Variants in NACA observed in about 807,000 individuals in gnomAD.
NACA encodes the protein nascent polypeptide-associated complex subunit alpha.
In NACA, 42 loss-of-function variants were observed where a neutral mutation model predicts 86.4. The ratio of observed to expected loss-of-function variants is 0.49; its 90% confidence interval spans 0.38 to 0.63. The LOEUF is 0.63. Ranked by LOEUF, NACA falls within the 20% of genes least tolerant of loss-of-function variation. NACA has a pLI of 0.00. For missense variants in NACA, 2,157 were observed against 2,483.6 expected, an observed-to-expected ratio of 0.87 and a Z score of 2.80; for synonymous variants, 898 against 973.7, an observed-to-expected ratio of 0.92 and a Z score of 1.45.
chr12:56,720,619 G>C lies in NACA; in HGVS notation c.911C>G (p.Ser304Cys). Residue 304 changes from serine to cysteine, a missense_variant, in exon 3 of 9, where the codon TCT (serine) becomes TGT (cysteine). Physicochemically the swap from Ser to Cys is moderately radical, Grantham distance 112 (BLOSUM62 -1). Coordinates refer to ENST00000454682, the MANE Select transcript of NACA (RefSeq NM_001365896.1). ...TAAAGGTGCAAGATGAGAGCCCAGA[G>C]AAATGGGAAAATCTGGGGGGGTGTT... ...GPNTPPDFPI[S>C]LGSHLAPLHQ... 1.2e-6 allele frequency: 2 copies of C among 1,613,982 alleles called. No homozygotes were observed. The highest frequency in any genetic ancestry group is 1.1e-5 in the South Asian group (1 of 91,090).
Position 56,717,042 on chromosome 12 carries a change from A to T in NACA, c.4488T>A (p.Thr1496=). ...TSSSPKKAPA[T]PAPMGAPTLP... The stretch of plus-strand genomic sequence containing the variant: ...GAGTGGGGGCCCCCATGGGGGCTGG[A>T]GTTGCTGGGGCCTTTTTGGGAGAGG... The change falls in exon 3 of 9, where the codon ACT becomes ACA. Residue 1496 remains threonine, a synonymous_variant. Transcript: ENST00000454682. The T allele has an allele frequency of 8.8e-7, 1 of 1,135,926 alleles. No homozygotes were observed. The highest frequency in any genetic ancestry group is 1.1e-6 in the Non-Finnish European group (1 of 918,280). The allele number at this position is 1,135,926 out of a possible 1,614,324, so 70.4% of individuals were successfully genotyped here.
Position 56,713,949 on chromosome 12 carries a change from G to A in NACA, c.5824-266C>T, listed in dbSNP as rs527671988. ...GTCCGTCTCCCAGGTTCAAGCAATT[G>A]CCGTGCCTCAGCCACCTTAGTAGCT... On this transcript the variant is annotated intron_variant, in intron 5 of 8. Transcript: ENST00000454682. 2.7e-4 allele frequency: 114 copies of A among 427,878 alleles called. 1 individual carries two copies. In the Middle Eastern group the frequency reaches 4.0e-3, roughly 15 times the overall value. The allele number at this position is 427,878 out of a possible 1,614,324, so 26.5% of individuals were successfully genotyped here.
At chr12:56,724,357 T>C in intron 2 of NACA, 95 bp downstream of exon 2, 1 of 1,249,248 alleles carries the variant, frequency 8.0e-7, no homozygotes. Flanking sequence ...TGCAACCCCA[T>C]CCTCCTAAAA....
chr12:56,714,652 G>A lies in NACA; in HGVS notation c.5695C>T (p.Pro1899Ser). 2 of 1,614,126 alleles carry A rather than the reference G, an allele frequency of 1.2e-6. No individual in the cohort carries two copies. Among genetic ancestry groups the A allele is most frequent in the Non-Finnish European group, 1.7e-6 (2 of 1,180,030 alleles). The change falls in exon 4 of 9, where the codon CCA (proline) becomes TCA (serine). Residue 1899 changes from proline (P) to serine (S), a missense_variant. Around this residue, in one of 8 missense-constraint regions of NACA, gnomAD observed 797 missense variants for 777.6 expected, o/e 1.02. Transcript: ENST00000454682. The part of the protein sequence containing the change: ...GTESDSDESV[P>S]ELEEQDSTQA... ...GTGGAATCCTGTTCTTCAAGCTCTG[G>A]TACTGATTCATCACTGTCAGATTCT...
chr12:56,715,774 A>G, intron 3 of NACA, 97 bp downstream of exon 3: 1 of 1,096,046 alleles, frequency 9.1e-7, no homozygotes, highest in Non-Finnish European at 1.3e-6. Context: ...GATTCACTGG[A>G]GAAAGCGGCG....
chr12:56,721,176 T>A lies in NACA; in HGVS notation c.354A>T (p.Leu118=). Residue 118 remains leucine, a synonymous_variant, in exon 3 of 9, where the codon CTA becomes CTT. Transcript: ENST00000454682. Reference sequence around the variant, plus strand: ...GAGTTGGAGCTATCATGGGAGAGGCTAGAGCTAAGGCAGCTGGGGAGATGG... The same window carrying A: ...GAGTTGGAGCTATCATGGGAGAGGCAAGAGCTAAGGCAGCTGGGGAGATGG... The part of the protein sequence containing the change: ...GPPISPAALA[L]ASPMIAPTLK... 1 of 1,613,874 alleles carries A rather than the reference T, an allele frequency of 6.2e-7. No homozygotes were observed. The highest frequency in any genetic ancestry group is 8.5e-7 in the Non-Finnish European group (1 of 1,179,844).
chr12:56,714,280 T>A (rs1192785393), intron 5 of NACA, 82 bp downstream of exon 5: 20 of 1,448,030 alleles, frequency 1.4e-5, no homozygotes, highest in Non-Finnish European at 1.9e-5. Flanking sequence ...TACCACCTGT[T>A]CCCCAAAAAC....
At chr12:56,724,666 C>G in intron 1 of NACA, 143 bp from the exon 2 acceptor site, 1 of 784,058 alleles carries the variant, frequency 1.3e-6, no homozygotes, top group Non-Finnish European at 2.1e-6. Context: ...TTCCCCAAAG[C>G]ACCTGGGAAT....
In NACA at chr12:56,715,960, G is replaced by A. The variant is rs764790765; in HGVS notation, c.5570C>T (p.Ser1857Leu). The change falls in exon 3 of 9, where the codon TCG becomes TTG. Residue 1857 changes from serine to leucine, a missense_variant. Around this residue, in one of 8 missense-constraint regions of NACA, gnomAD observed 797 missense variants for 777.6 expected, o/e 1.02. Coordinates refer to ENST00000454682, the MANE Select transcript of NACA (RefSeq NM_001365896.1). ...AGGGGTGGGCATGTTGACGAGGACC[G>A]ACTGGAAAGGCACTCCCCCAGAGAT... ...EPISGGVPFQ[S>L]VLVNMPTPKS... 20 of 1,549,206 alleles carry A rather than the reference G, an allele frequency of 1.3e-5. No individual in the cohort carries two copies. The highest frequency in any genetic ancestry group is 9.9e-5 in the Admixed American group (5 of 50,754).
In NACA at chr12:56,715,891, G is replaced by A; in HGVS notation, c.5639C>T (p.Pro1880Leu). ...IPVPTPSAKQPVTKNNKGSGT... is the reference protein window; with the variant it reads ...IPVPTPSAKQLVTKNNKGSGT... Reference sequence around the variant, plus strand: ...AATACCCTTGTTGTTCTTCGTAACAGGTTGCTTGGCAGAGGGGGTTGGGAC... The same window carrying A: ...AATACCCTTGTTGTTCTTCGTAACAAGTTGCTTGGCAGAGGGGGTTGGGAC... Residue 1880 changes from proline (P) to leucine (L), a missense_variant, in exon 3 of 9, where the codon CCT becomes CTT. Transcript: ENST00000454682. The A allele has an allele frequency of 4.6e-6, 7 of 1,516,486 alleles. No individual in the cohort carries two copies. Among genetic ancestry groups the A allele is most frequent in the Non-Finnish European group, 6.2e-6 (7 of 1,132,896 alleles). 93.9% of individuals were successfully genotyped at this position (1,516,486 alleles called of 1,614,324 possible).
At position 56,717,220 on chromosome 12, in the gene NACA, G is replaced by A. The variant is rs1339196835; in HGVS notation, c.4310C>T (p.Ala1437Val). The A allele has an allele frequency of 7.6e-7, 1 of 1,318,470 alleles. No homozygotes were observed. Among genetic ancestry groups the A allele is most frequent in the Non-Finnish European group, 9.9e-7 (1 of 1,012,026 alleles). The allele number at this position is 1,318,470 out of a possible 1,614,324, so 81.7% of individuals were successfully genotyped here. Residue 1437 changes from alanine (A) to valine (V), a missense_variant, in exon 3 of 9, where the codon GCA (alanine) becomes GTA (valine). Transcript: ENST00000454682. ...CTTTTTGAGGGAGACAGGAGTCACT[G>A]CTGGGGGAGTGAGATCTCCTTTGGA... ...TPSKGDLTPP[A>V]VTPVSLKKAP...
At chr12:56,715,759 A>T in intron 3 of NACA, 112 bp downstream of exon 3, 1 of 986,788 alleles carries the variant, frequency 1.0e-6, no homozygotes, top group Non-Finnish European at 1.4e-6. Context: ...ATCCAAACCC[A>T]AGCAGATTCA....
intron 5 of NACA, 53 bp downstream of exon 5, chr12:56,714,309 C>T: frequency 6.4e-7 from 1 of 1,566,344 alleles, no homozygotes; most frequent in Non-Finnish European, 8.8e-7. Context: ...ATAAACAGTT[C>T]CACTCTGTAT....
In NACA at chr12:56,719,929, G is replaced by A; in HGVS notation, c.1601C>T (p.Thr534Ile). 1 of 1,613,924 alleles carries A rather than the reference G, an allele frequency of 6.2e-7. No individual in the cohort carries two copies. The highest frequency in any genetic ancestry group is 1.6e-4 in the Middle Eastern group (1 of 6,062). ...VKFPTQKDLQ[T>I]VPASLEGAPF... The stretch of plus-strand genomic sequence containing the variant: ...GGCTCCTTCAAGAGAGGCAGGTACA[G>A]TTTGGAGGTCTTTTTGTGTTGGAAA... The change falls in exon 3 of 9, where the codon ACT becomes ATT. Residue 534 changes from threonine (T) to isoleucine (I), a missense_variant. Transcript: ENST00000454682.
Position 56,713,555 on chromosome 12 carries a change from T to A in NACA, c.5952A>T (p.Ile1984=), listed in dbSNP as rs145630440. The A allele has an allele frequency of 1.7e-4, 273 of 1,613,930 alleles. No individual in the cohort carries two copies. In the African/African-American group the frequency reaches 3.2e-3, roughly 19 times the overall value. ...TACTCACCTTGGCTTCCCCAAAAAC[T>A]ATGTAAGTATCTGAAGCAGGGCTCT... The part of the protein sequence containing the change: ...VYKSPASDTY[I]VFGEAKIEDL... Residue 1984 remains isoleucine, a synonymous_variant, in exon 6 of 9, where the codon ATA becomes ATT. Transcript: ENST00000454682.
In NACA at chr12:56,719,506, G is replaced by A. The variant is rs1162988716; in HGVS notation, c.2024C>T (p.Pro675Leu). ...TAAAGAGACAGTTCCTTCTAGAAAA[G>A]GGCTGGCTGTAGTTGTATAAGTTGA... ...GTSTYTTTASPFLEGTVSLAP... is the reference protein window; with the variant it reads ...GTSTYTTTASLFLEGTVSLAP... The change falls in exon 3 of 9, where the codon CCT (proline) becomes CTT (leucine). Residue 675 changes from proline (P) to leucine (L), a missense_variant. Physicochemically the swap from Pro to Leu is moderately conservative, Grantham distance 98 (BLOSUM62 -3). Transcript: ENST00000454682. The A allele has an allele frequency of 6.2e-7, 1 of 1,613,904 alleles. No homozygotes were observed. Among genetic ancestry groups the A allele is most frequent in the Admixed American group, 1.7e-5 (1 of 60,018 alleles).
rs763878819 is a variant in NACA at position 56,716,852 on chromosome 12, T to C, written c.4678A>G (p.Lys1560Glu). 1 of 1,312,666 alleles carries C rather than the reference T, an allele frequency of 7.6e-7. No individual in the cohort carries two copies. The highest frequency in any genetic ancestry group is 2.8e-5 in the Admixed American group (1 of 35,342). The allele number at this position is 1,312,666 out of a possible 1,614,324, so 81.3% of individuals were successfully genotyped here. A position where few individuals can be genotyped will look rare whatever the true frequency, so the allele number is the denominator to read the frequency against. The change falls in exon 3 of 9, where the codon AAG (lysine) becomes GAG (glutamate). Residue 1560 changes from lysine to glutamate, a missense_variant. Physicochemically the swap from Lys to Glu is moderately conservative, Grantham distance 56. Transcript: ENST00000454682. ...TTGGGGGTTGGAATTGCTGGGGTCT[T>C]TTTAGGGGAGGGAACAGTCATAGCT... ...PPAMTVPSPK[K>E]TPAIPTPKEA...
Position 56,720,065 on chromosome 12 carries a change from C to T in NACA, c.1465G>A (p.Ala489Thr). The T allele has an allele frequency of 6.2e-7, 1 of 1,613,800 alleles. No homozygotes were observed. The highest frequency in any genetic ancestry group is 8.5e-7 in the Non-Finnish European group (1 of 1,179,852). ...SPAALVMAPV[A>T]PKEPSTQVAT... ...ACTTGAGTAGAAGGCTCTTTGGGAG[C>T]CACAGGTGCCATAACCAAGGCAGCA... Residue 489 changes from alanine to threonine, a missense_variant, in exon 3 of 9, where the codon GCT (alanine) becomes ACT (threonine). Around this residue, in one of 8 missense-constraint regions of NACA, gnomAD observed 947 missense variants for 917.9 expected, o/e 1.03. Transcript: ENST00000454682.
chr12:56,712,603 T>A, intron 8 of NACA, 51 bp from the exon 9 acceptor site: 1 of 1,607,246 alleles, frequency 6.2e-7, no homozygotes, highest in Non-Finnish European at 8.5e-7. Context: ...ATCAGGAGAA[T>A]TCAGGTCACT....
Sources: gnomAD v4.1 joint callset for allele counts on GRCh38, gnomAD v4.1.1 for gene constraint, gnomAD v4.1.1 regional missense constraint, MANE v1.5 for transcripts, NCBI Gene and HGNC (gene_info 2026-07-23, HGNC 2026-07-21) for gene names.